Variants in MAPKAP1 observed in about 807,000 individuals in gnomAD.
MAPKAP1 encodes the protein MAPK associated protein 1.
A neutral mutation model predicts 65.7 loss-of-function variants in MAPKAP1; 20 were observed. The observed-to-expected ratio is 0.30, with a 90% CI of 0.21 to 0.44. The LOEUF (loss-of-function observed/expected upper bound fraction) is 0.44, where lower values mean the gene tolerates loss of function less well. MAPKAP1 is among the 20% of genes least tolerant of loss of function. The pLI is 1.00. For missense variants in MAPKAP1, 423 were observed against 648.0 expected (o/e 0.65, Z 3.77); for synonymous variants, 222 against 244.3 (o/e 0.91, Z 0.85).
chr9:125,626,442 G>A (rs1833122234), intron 4 of MAPKAP1, among the ~76,000 whole-genome samples: 1 of 152,012 alleles, frequency 6.6e-6, no homozygotes, highest in Admixed American at 6.5e-5. Flanking sequence ...CCAATCTCTT[G>A]TTGGGTGAGT....
intron 4 of MAPKAP1, among the ~76,000 whole-genome samples, chr9:125,637,297 A>T (rs117522877): frequency 0.028 from 4,286 of 152,138 alleles, 84 homozygotes; most frequent in South Asian, 0.058. Flanking sequence ...AAATAAAAAT[A>T]AAAAAAGTAT....
intron 2 of MAPKAP1, among the ~76,000 whole-genome samples, chr9:125,670,792 G>A (rs1394314431): frequency 6.6e-6 from 1 of 152,282 alleles, no homozygotes; most frequent in African/African-American, 2.4e-5. Flanking sequence ...CACAATTGAT[G>A]CCATCTCTTG....
intron 1 of MAPKAP1, among the ~76,000 whole-genome samples, chr9:125,673,454 G>C (rs1031860557): frequency 6.6e-6 from 1 of 152,124 alleles, no homozygotes; most frequent in Non-Finnish European, 1.5e-5. Context: ...TCAAACTCCC[G>C]ACCTCAGTTG....
At chr9:125,653,831 C>A (rs1046197585) in intron 4 of MAPKAP1, among the ~76,000 whole-genome samples, 9 of 152,204 alleles carry the variant, frequency 5.9e-5, no homozygotes, top group Non-Finnish European at 1.3e-4. Flanking sequence ...GGAACTCACA[C>A]CCATCTCCTT....
intron 4 of MAPKAP1, among the ~76,000 whole-genome samples, chr9:125,618,167 C>T (rs892640560): frequency 1.3e-5 from 2 of 151,514 alleles, no homozygotes; most frequent in African/African-American, 4.9e-5. Flanking sequence ...CATAGTGAAA[C>T]CCCATCTCTA....
intron 10 of MAPKAP1, among the ~76,000 whole-genome samples, chr9:125,452,760 T>C (rs1348262488): frequency 6.6e-6 from 1 of 151,858 alleles, no homozygotes; most frequent in Non-Finnish European, 1.5e-5. Flanking sequence ...GGTGTGGTGG[T>C]GTGTGCCTGA....
At chr9:125,684,887 T>C (rs760457308) in intron 1 of MAPKAP1, among the ~76,000 whole-genome samples, 8 of 152,162 alleles carry the variant, frequency 5.3e-5, no homozygotes, top group Non-Finnish European at 8.8e-5. Flanking sequence ...CTGCCCAGAC[T>C]GGTCTTGAAT....
intron 4 of MAPKAP1, among the ~76,000 whole-genome samples, chr9:125,627,983 T>C (rs1042810540): frequency 5.3e-5 from 8 of 152,340 alleles, no homozygotes; most frequent in East Asian, 3.9e-4. Flanking sequence ...AGGCGGCCAC[T>C]TCATTTAATT....
intron 4 of MAPKAP1, among the ~76,000 whole-genome samples, chr9:125,601,208 A>T (rs372465076): frequency 1.1e-4 from 17 of 152,140 alleles, no homozygotes; most frequent in African/African-American, 3.9e-4. Flanking sequence ...AATTATATGG[A>T]AATTTTGGTA....
intron 6 of MAPKAP1, among the ~76,000 whole-genome samples, chr9:125,558,645 G>T (rs181220662): frequency 6.6e-6 from 1 of 152,106 alleles, no homozygotes; most frequent in Admixed American, 6.5e-5. Context: ...CAAAGGGATC[G>T]CTATTGTTCC....
At chr9:125,609,711 T>A (rs1832545949) in intron 4 of MAPKAP1, among the ~76,000 whole-genome samples, 1 of 152,192 alleles carries the variant, frequency 6.6e-6, no homozygotes. Flanking sequence ...CTCTTTTTGG[T>A]AGTTTTGGTA....
chr9:125,563,511 T>C (rs768582087), intron 5 of MAPKAP1, among the ~76,000 whole-genome samples: 11 of 152,228 alleles, frequency 7.2e-5, no homozygotes, highest in Non-Finnish European at 1.5e-4. Context: ...TCAATATTTC[T>C]GTATATCACT....
rs147852168 is a variant in MAPKAP1 at position 125,653,924 on chromosome 9, T to A, written c.498+3727A>T. Among the ~76,000 whole-genome samples the A allele has an allele frequency of 1.7e-3, 252 of 152,174 alleles. 2 individuals carry two copies. The highest frequency in any genetic ancestry group is 6.0e-3 in the African/African-American group (250 of 41,510). ...TATTACTAACTGTATTGACAGGAAATGGGTACTTGAACTTCTGATGGTCTA... is the reference window on the plus strand; with the variant it reads ...TATTACTAACTGTATTGACAGGAAAAGGGTACTTGAACTTCTGATGGTCTA... On this transcript the variant is annotated intron_variant, in intron 4 of 11. Transcript: ENST00000265960.
intron 8 of MAPKAP1, among the ~76,000 whole-genome samples, chr9:125,501,384 T>C (rs1417973471): frequency 6.6e-6 from 1 of 152,240 alleles, no homozygotes; most frequent in Non-Finnish European, 1.5e-5. Context: ...TAATGTTATA[T>C]TGTTCTTTCA....
intron 9 of MAPKAP1, among the ~76,000 whole-genome samples, chr9:125,478,904 A>G (rs1465970482): frequency 6.6e-6 from 1 of 151,946 alleles, no homozygotes; most frequent in Non-Finnish European, 1.5e-5. Flanking sequence ...TGAGGTTATC[A>G]GGGAGAAAGC....
chr9:125,592,662 T>C (rs1831999372), intron 4 of MAPKAP1, among the ~76,000 whole-genome samples: 1 of 152,072 alleles, frequency 6.6e-6, no homozygotes, highest in Admixed American at 6.6e-5. Context: ...CCCAGCGCTT[T>C]GGGAGGCCGA....
rs139603310 is a variant in MAPKAP1 at position 125,700,294 on chromosome 9, C to T, written c.-70+6677G>A. Among the ~76,000 whole-genome samples, 28 of 152,306 alleles carry T rather than the reference C, an allele frequency of 1.8e-4. No individual in the cohort carries two copies. The East Asian group carries it at 5.2e-3, about 28-fold the overall frequency. On this transcript the variant is annotated intron_variant, in intron 1 of 11. Transcript: ENST00000265960. The stretch of plus-strand genomic sequence containing the variant: ...GCTGAAATGGTACTTATTTATAACA[C>T]AGTACCTTAAAATGAGTCCATAAGG...
rs568930282 is a variant in MAPKAP1, at chr9:125,577,171, G to A, written c.671+8384C>T. Among the ~76,000 whole-genome samples the A allele has an allele frequency of 3.3e-4, 50 of 150,758 alleles. No homozygotes were observed. In the South Asian group the frequency reaches 5.7e-3, roughly 17 times the overall value. ...ATGTGGGGAGCGCCTCTGCCCTGCC[G>A]CCCCGTCCGGGATGTGAGGAGCGTC... On this transcript the variant is annotated intron_variant, in intron 5 of 11. Coordinates refer to ENST00000265960, the MANE Select transcript of MAPKAP1 (RefSeq NM_001006617.3).
chr9:125,491,538 A>G (rs1463716331), intron 8 of MAPKAP1, among the ~76,000 whole-genome samples: 1 of 152,062 alleles, frequency 6.6e-6, no homozygotes, highest in Admixed American at 6.5e-5. Context: ...GCACTTCTGG[A>G]GGCCAAGGCA....
Sources: gnomAD v4.1 joint callset for allele counts (sites outside exome capture counted in the v4.1 genomes callset) on GRCh38, gnomAD v4.1.1 for gene constraint, MANE v1.5 for transcripts, NCBI Gene and HGNC (gene_info 2026-07-23, HGNC 2026-07-21) for gene names.